ACTR3C: variants seen among roughly 807,000 people sequenced by gnomAD.
ACTR3C encodes the protein actin-related protein 3C.
A neutral mutation model predicts 26.3 loss-of-function variants in ACTR3C; 18 were observed. That is an observed-to-expected ratio of 0.68 (90% confidence interval 0.47 to 1.01). The LOEUF is 1.01. Ranked by LOEUF, ACTR3C falls within the 50% of genes least tolerant of loss-of-function variation. The pLI is 0.00. For synonymous variants in ACTR3C, 55 were observed against 94.5 expected, an observed-to-expected ratio of 0.58 and a Z score of 2.42; for missense variants, 184 against 250.7, an observed-to-expected ratio of 0.73 and a Z score of 1.80.
At chr7:150,179,857 C>T in the ACTR3C span, among the ~76,000 whole-genome samples, 38 of 151,618 alleles carry the variant, frequency 2.5e-4, 1 homozygote, top group Middle Eastern at 3.4e-3. Flanking sequence ...CTTTTCTTAA[C>T]CACATTGCAG....
chr7:149,960,465 C>A, the ACTR3C span, among the ~76,000 whole-genome samples: 1 of 152,144 alleles, frequency 6.6e-6, no homozygotes, highest in African/African-American at 2.4e-5. Flanking sequence ...CCCAAGCCCA[C>A]TTTTAAATTT....
chr7:150,227,688 G>GTTTTTTTTTTTTTTTTTTTTT, the ACTR3C span, among the ~76,000 whole-genome samples: 14 of 111,366 alleles, frequency 1.3e-4, no homozygotes, highest in South Asian at 2.9e-4. Context: ...TTGTGTCTGG[G>GTTTTTTTTTTTTTTTTTTTTT]TTTTTTTTTT....
At chr7:150,153,054 G>A in the ACTR3C span, among the ~76,000 whole-genome samples, 747 of 151,872 alleles carry the variant, frequency 4.9e-3, 7 homozygotes, top group African/African-American at 0.017. Flanking sequence ...TCTTACTAGC[G>A]GTCTATCAAT....
At chr7:150,005,602 A>T in the ACTR3C span, among the ~76,000 whole-genome samples, 1 of 151,978 alleles carries the variant, frequency 6.6e-6, no homozygotes, top group Non-Finnish European at 1.5e-5. Flanking sequence ...TCCTAAGGCC[A>T]TGTGGTGAGG....
chr7:149,976,160 G>A, the ACTR3C span, among the ~76,000 whole-genome samples: 2 of 152,150 alleles, frequency 1.3e-5, no homozygotes, highest in African/African-American at 2.4e-5. Flanking sequence ...ATTTTCTAAG[G>A]AGCAATTTCC....
At chr7:150,244,529 A>C (rs1005595140), downstream of ACTR3C, 7 of 151,954 alleles carry the variant, frequency 4.6e-5, no homozygotes, top group Non-Finnish European at 1.0e-4. Flanking sequence ...TGTTCTTGCA[A>C]AAATACTCAA....
the ACTR3C span, among the ~76,000 whole-genome samples, chr7:150,134,730 G>A: frequency 1.2e-4 from 19 of 152,318 alleles, no homozygotes; most frequent in African/African-American, 3.6e-4. Flanking sequence ...CTGTCACTAC[G>A]TCAGGATGAT....
At chr7:149,981,082 C>T in the ACTR3C span, among the ~76,000 whole-genome samples, 1 of 152,006 alleles carries the variant, frequency 6.6e-6, no homozygotes, top group African/African-American at 2.4e-5. Context: ...GTAGTGTCCC[C>T]ACCTTACAAT....
the ACTR3C span, among the ~76,000 whole-genome samples, chr7:150,007,259 G>T: frequency 6.6e-6 from 1 of 152,194 alleles, no homozygotes; most frequent in Non-Finnish European, 1.5e-5. Flanking sequence ...AGGCTTCCAA[G>T]GCTTGCTCAT....
At chr7:150,313,628 T>C (rs1227758637) in intron 1 of ACTR3C, among the ~76,000 whole-genome samples, 1 of 152,204 alleles carries the variant, frequency 6.6e-6, no homozygotes. Flanking sequence ...CTTCCCATCA[T>C]GGTCTGAACC....
the ACTR3C span, among the ~76,000 whole-genome samples, chr7:150,032,940 G>A: frequency 3.9e-5 from 6 of 152,186 alleles, no homozygotes; most frequent in Non-Finnish European, 7.3e-5. Context: ...CCGGGCACTT[G>A]ACGCTGCCCA....
chr7:150,248,063 C>T (rs1832566233), intron 7 of ACTR3C: 1 of 152,434 alleles, frequency 6.6e-6, no homozygotes, highest in Admixed American at 6.5e-5. Flanking sequence ...CTGCTCGATT[C>T]CAGCCAAACT....
chr7:150,064,912 T>C, the ACTR3C span, among the ~76,000 whole-genome samples: 1 of 152,202 alleles, frequency 6.6e-6, no homozygotes, highest in Admixed American at 6.5e-5. Context: ...ATGCCCTTGA[T>C]CTATGGAAAT....
the ACTR3C span, among the ~76,000 whole-genome samples, chr7:150,183,696 C>CAAAAAAAAAA: frequency 9.0e-4 from 43 of 48,044 alleles, 3 homozygotes; most frequent in African/African-American, 2.8e-3. Context: ...GTGGCTATGG[C>CAAAAAAAAAA]AAAAAAAAAA....
the ACTR3C span, among the ~76,000 whole-genome samples, chr7:149,994,011 A>G: frequency 2.0e-5 from 3 of 152,250 alleles, no homozygotes; most frequent in African/African-American, 4.8e-5. Flanking sequence ...TGATTAAAGC[A>G]TCAGGAAAAA....
the ACTR3C span, among the ~76,000 whole-genome samples, chr7:149,909,074 G>A: frequency 6.6e-6 from 1 of 151,264 alleles, no homozygotes; most frequent in Non-Finnish European, 1.5e-5. Context: ...GAGCCACCAC[G>A]CCCAGCCAAG....
At chr7:150,250,809 G>T (rs1832801101) in intron 6 of ACTR3C, among the ~76,000 whole-genome samples, 1 of 152,010 alleles carries the variant, frequency 6.6e-6, no homozygotes, top group African/African-American at 2.4e-5. Flanking sequence ...TCTGGCTAGG[G>T]TTGAGATGCC....
the ACTR3C span, among the ~76,000 whole-genome samples, chr7:149,969,815 A>G: frequency 6.6e-6 from 1 of 152,208 alleles, no homozygotes; most frequent in Non-Finnish European, 1.5e-5. Context: ...TTGTTCAGCA[A>G]CAGAGAATAC....
At chr7:150,119,861 G>T in the ACTR3C span, among the ~76,000 whole-genome samples, 14 of 152,142 alleles carry the variant, frequency 9.2e-5, no homozygotes, top group Non-Finnish European at 1.9e-4. Flanking sequence ...AAATGCAAAA[G>T]AACGGAAATT....
Sources: gnomAD v4.1 joint callset for allele counts (sites outside exome capture counted in the v4.1 genomes callset) on GRCh38, gnomAD v4.1.1 for gene constraint, MANE v1.5 for transcripts, NCBI Gene and HGNC (gene_info 2026-07-23, HGNC 2026-07-21) for gene names.